Variants in SLC28A1 observed in about 807,000 individuals in gnomAD.
SLC28A1 encodes the protein solute carrier family 28 member 1, also known as sodium/nucleoside cotransporter 1.
Under a neutral mutation model 74.8 loss-of-function variants are expected in SLC28A1, and 64 were observed. The ratio of observed to expected loss-of-function variants is 0.86; its 90% CI spans 0.70 to 1.05. SLC28A1 has a LOEUF of 1.05. SLC28A1 is among the 50% of genes least tolerant of loss of function. The probability of loss-of-function intolerance (pLI) is 0.00; values close to 1 mark genes in which losing one functional copy is unlikely to be tolerated. For synonymous variants in SLC28A1, 359 were observed against 335.0 expected, an observed-to-expected ratio of 1.07 and a Z score of -0.78; for missense variants, 828 against 822.8, an observed-to-expected ratio of 1.01 and a Z score of -0.08.
intron 12 of SLC28A1, among the ~76,000 whole-genome samples, chr15:84,929,273 G>A (rs75409430): frequency 0.11 from 16,873 of 151,988 alleles, 1,041 homozygotes; most frequent in African/African-American, 0.16. Context: ...GGCCGGGCGC[G>A]GTGGCTCACA....
At chr15:84,898,731 G>C (rs192537495) in intron 6 of SLC28A1, among the ~76,000 whole-genome samples, 1 of 152,284 alleles carries the variant, frequency 6.6e-6, no homozygotes, top group African/African-American at 2.4e-5. Context: ...AGGCAATAAA[G>C]GACACTGATC....
In SLC28A1 at chr15:84,905,651, G is replaced by A. The variant is rs201178780; in HGVS notation, c.716G>A (p.Arg239Gln). The A allele has an allele frequency of 1.9e-5, 30 of 1,607,388 alleles. No individual in the cohort carries two copies. Among genetic ancestry groups the A allele is most frequent in the Middle Eastern group, 3.3e-4 (2 of 6,048 alleles). The change falls in exon 8 of 19, where the codon CGG (arginine) becomes CAG (glutamine). Residue 239 changes from arginine to glutamine, a missense_variant and splice_region_variant. By Grantham distance (43) the Arg-to-Gln change is conservative. Around this residue, in one of 3 missense-constraint regions of SLC28A1, gnomAD observed 767 missense variants for 753.5 expected, o/e 1.02. Coordinates refer to ENST00000394573, the MANE Select transcript of SLC28A1 (RefSeq NM_004213.5). Reference sequence around the variant, plus strand: ...TTCGAGTGGCTGGGCGAGCAGATCCGGGTAGGTATGTGGGGTCTGGCTGCC... The same window carrying A: ...TTCGAGTGGCTGGGCGAGCAGATCCAGGTAGGTATGTGGGGTCTGGCTGCC... ...IAFEWLGEQI[R>Q]IFLSYTKAGS... is the part of the protein sequence containing the mutation.
chr15:84,947,682 A>G (rs1314212280), downstream of SLC28A1, among the ~76,000 whole-genome samples: 1 of 152,220 alleles, frequency 6.6e-6, no homozygotes, highest in Admixed American at 6.5e-5. Flanking sequence ...GTGTCCTCAC[A>G]TGGCAGAAGA....
chr15:84,956,320 C>G, the SLC28A1 span, among the ~76,000 whole-genome samples: 14 of 152,254 alleles, frequency 9.2e-5, no homozygotes, highest in South Asian at 2.9e-3. Flanking sequence ...GTGTTTCTGT[C>G]TGATTATGGC....
the SLC28A1 span, chr15:84,961,666 G>A: frequency 1.1e-5 from 4 of 349,394 alleles, no homozygotes; most frequent in African/African-American, 8.8e-5. Context: ...ATGGTCGTAA[G>A]ACACTAAGAT....
downstream of SLC28A1, among the ~76,000 whole-genome samples, chr15:84,946,085 CATAT>C (rs1352839442): frequency 2.5e-4 from 6 of 23,970 alleles, no homozygotes; most frequent in Admixed American, 6.3e-4. Context: ...TGTGTATGTT[CATAT>C]ATATATATAT....
intron 12 of SLC28A1, among the ~76,000 whole-genome samples, chr15:84,926,297 C>T (rs773255077): frequency 3.3e-5 from 5 of 151,638 alleles, no homozygotes; most frequent in African/African-American, 1.2e-4. Flanking sequence ...CTCCTGGACT[C>T]AAGCAATTCT....
chr15:84,904,309 G>C, intron 7 of SLC28A1, 71 bp downstream of exon 7: 1 of 1,604,882 alleles, frequency 6.2e-7, no homozygotes. Context: ...CTGGATCTGG[G>C]AGCTGGGGTA....
intron 15 of SLC28A1, among the ~76,000 whole-genome samples, chr15:84,940,002 A>AT (rs1972457903): frequency 6.6e-6 from 1 of 151,956 alleles, no homozygotes; most frequent in Non-Finnish European, 1.5e-5. Flanking sequence ...TAACCTTCGC[A>AT]TTTTTTGTAG....
rs776404211 is a variant in SLC28A1, at chr15:84,935,043, T to C, written c.1232T>C (p.Ile411Thr). 4 of 1,614,010 alleles carry C rather than the reference T, an allele frequency of 2.5e-6. No homozygotes were observed. The highest frequency in any genetic ancestry group is 1.7e-5 in the Admixed American group (1 of 60,010). The change falls in exon 14 of 19, where the codon ATA (isoleucine) becomes ACA (threonine). Residue 411 changes from isoleucine (I) to threonine (T), a missense_variant. Physicochemically the swap from Ile to Thr is moderately conservative, Grantham distance 89. This residue lies in a region of SLC28A1 where 767 missense variants were observed against 753.5 expected (regional missense o/e 1.02). Transcript: ENST00000394573. ...AACAACAGAGATGCTCAGAACCTCA[T>C]AGAAGCAGCCAGCACTGGGGCCGCC... is the stretch of plus-strand genomic sequence containing the variant. ...KLTYGDAQNL[I>T]EAASTGAAIS...
chr15:84,886,520 G>A lies in SLC28A1; in HGVS notation c.-132-152G>A, dbSNP rs528066635. 3.1e-5 allele frequency: 31 copies of A among 985,454 alleles called. 1 individual carries two copies. The South Asian group carries it at 1.3e-3, about 42-fold the overall frequency. The allele number at this position is 985,454 out of a possible 1,614,324, so 61.0% of individuals were successfully genotyped here. A position where few individuals can be genotyped will look rare whatever the true frequency, so the allele number is the denominator to read the frequency against. Reference sequence around the variant, plus strand: ...GAGAAGCAGCAGCCAGTGGGCAGGAGCTGCAGGGAGCCAGGTTGCAAGTGG... The same window carrying A: ...GAGAAGCAGCAGCCAGTGGGCAGGAACTGCAGGGAGCCAGGTTGCAAGTGG... On this transcript the variant is annotated intron_variant, in intron 1 of 18. Transcript: ENST00000394573.
At chr15:84,888,627 A>T (rs1401013943) in intron 3 of SLC28A1, 145 bp from the exon 4 acceptor site, 2 of 669,616 alleles carry the variant, frequency 3.0e-6, no homozygotes, top group Non-Finnish European at 5.5e-6. Context: ...TGCAGAATCC[A>T]GTTTAGTAGC....
chr15:84,933,111 T>C (rs1971498646), intron 12 of SLC28A1, 34 bp from the exon 13 acceptor site: 1 of 1,610,626 alleles, frequency 6.2e-7, no homozygotes, highest in African/African-American at 1.3e-5. Context: ...TTCTTCTGAC[T>C]GTCCACCTAG....
intron 13 of SLC28A1, among the ~76,000 whole-genome samples, chr15:84,933,748 GC>G (rs1246737024): frequency 6.6e-6 from 1 of 152,186 alleles, no homozygotes; most frequent in Non-Finnish European, 1.5e-5. Context: ...GCTGAGGCAG[GC>G]AAATCACTTA....
chr15:84,945,239 G>A lies in SLC28A1; in HGVS notation c.*39G>A. 8.2e-6 allele frequency: 13 copies of A among 1,586,674 alleles called. No individual in the cohort carries two copies. Among genetic ancestry groups the A allele is most frequent in the Non-Finnish European group, 1.1e-5 (13 of 1,155,194 alleles). The stretch of plus-strand genomic sequence containing the variant: ...TTGTGCTTCTGCGCTTCTGAGGGCT[G>A]TTCTCCCCCGGGAACCATCTGTCCC... On this transcript the variant is annotated 3_prime_UTR_variant, in exon 19 of 19. Coordinates refer to ENST00000394573, the MANE Select transcript of SLC28A1 (RefSeq NM_004213.5).
the SLC28A1 span, among the ~76,000 whole-genome samples, chr15:84,966,390 A>T: frequency 6.6e-6 from 1 of 151,866 alleles, no homozygotes; most frequent in African/African-American, 2.4e-5. Flanking sequence ...TTTAGAGTCA[A>T]AGTCTTGCTC....
chr15:84,964,543 G>T, the SLC28A1 span, among the ~76,000 whole-genome samples: 1 of 152,236 alleles, frequency 6.6e-6, no homozygotes, highest in Admixed American at 6.5e-5. Context: ...CATGATGTGA[G>T]ATTTTTAATA....
intron 9 of SLC28A1, among the ~76,000 whole-genome samples, chr15:84,910,899 G>A (rs963436442): frequency 2.6e-5 from 4 of 152,208 alleles, no homozygotes; most frequent in African/African-American, 9.6e-5. Context: ...GGCAGCATTT[G>A]ACATGGAGTT....
intron 6 of SLC28A1, among the ~76,000 whole-genome samples, chr15:84,902,229 C>T (rs529386065): frequency 6.6e-6 from 1 of 152,228 alleles, no homozygotes; most frequent in Non-Finnish European, 1.5e-5. Context: ...CCTATAATCC[C>T]AGCACTTTGG....
Sources: allele counts gnomAD v4.1 joint callset (sites outside exome capture counted in the v4.1 genomes callset), GRCh38; gene constraint gnomAD v4.1.1; regional missense constraint gnomAD v4.1.1; transcripts MANE v1.5; gene names NCBI Gene and HGNC (gene_info 2026-07-23, HGNC 2026-07-21).